The following SLC25A48 variants were observed in gnomAD, a reference collection of about 807,000 sequenced individuals.
SLC25A48 encodes CTC-321K16.1.
A neutral mutation model predicts 32.2 loss-of-function variants in SLC25A48; 29 were observed. That is an observed-to-expected ratio of 0.90 (90% CI 0.67 to 1.23). SLC25A48 has a LOEUF of 1.23. Among genes scored for constraint, SLC25A48 ranks in the 50% most tolerant of loss-of-function variants. The pLI, the probability that SLC25A48 is intolerant of heterozygous loss-of-function variation, is 0.00. For missense variants in SLC25A48, 399 were observed against 422.7 expected (o/e 0.94, Z 0.49); for synonymous variants, 164 against 172.3 (o/e 0.95, Z 0.38).
intron 4 of SLC25A48, among the ~76,000 whole-genome samples, chr5:135,822,701 G>T (rs1467139996): frequency 2.6e-5 from 4 of 152,220 alleles, no homozygotes; most frequent in Non-Finnish European, 5.9e-5. Flanking sequence ...ACAAGTGCCA[G>T]GGCTTAAGAC....
intron 1 of SLC25A48, among the ~76,000 whole-genome samples, chr5:135,603,077 G>T (rs947824438): frequency 6.6e-6 from 1 of 152,132 alleles, no homozygotes; most frequent in African/African-American, 2.4e-5. Flanking sequence ...CCTTTGGTGG[G>T]GTCTCCCCTG....
At chr5:135,692,628 C>T (rs527395585) in intron 3 of SLC25A48, among the ~76,000 whole-genome samples, 24 of 152,212 alleles carry the variant, frequency 1.6e-4, no homozygotes, top group African/African-American at 4.3e-4. Flanking sequence ...GGAGAAGTCA[C>T]GGGAAAGGTA....
At chr5:135,652,331 T>TA (rs1753135551) in intron 3 of SLC25A48, 1 of 454,944 alleles carries the variant, frequency 2.2e-6, no homozygotes, top group Admixed American at 2.4e-5. Flanking sequence ...TGAGAATAGA[T>TA]ATGTATTCTA....
intron 3 of SLC25A48, among the ~76,000 whole-genome samples, chr5:135,658,739 C>A (rs1753315260): frequency 2.0e-5 from 3 of 152,238 alleles, no homozygotes; most frequent in Admixed American, 2.0e-4. Context: ...GATTTCAAAC[C>A]TCAGCTCTTG....
At chr5:135,830,102 G>T (rs937150658), upstream of SLC25A48, among the ~76,000 whole-genome samples, 4 of 152,126 alleles carry the variant, frequency 2.6e-5, no homozygotes, top group Non-Finnish European at 4.4e-5. Flanking sequence ...GTTTGCTCTG[G>T]CACCTCAGAC....
chr5:135,863,586 A>G (rs2126779412), intron 4 of SLC25A48, among the ~76,000 whole-genome samples: 1 of 152,320 alleles, frequency 6.6e-6, no homozygotes, highest in South Asian at 2.1e-4. Context: ...CATACCATGT[A>G]TTGAGCTATA....
intron 1 of SLC25A48, among the ~76,000 whole-genome samples, chr5:135,588,942 A>G (rs1302196285): frequency 3.3e-5 from 5 of 152,172 alleles, no homozygotes; most frequent in African/African-American, 4.8e-5. Context: ...AAACAAACAA[A>G]CAAGCAAAAA....
intron 3 of SLC25A48, among the ~76,000 whole-genome samples, chr5:135,702,260 T>A (rs1754410981): frequency 6.6e-6 from 1 of 152,236 alleles, no homozygotes; most frequent in African/African-American, 2.4e-5. Context: ...TCTTTGCAGG[T>A]GTAACCAAGT....
chr5:135,585,217 C>A (rs1325900232), intron 1 of SLC25A48, among the ~76,000 whole-genome samples: 5 of 152,224 alleles, frequency 3.3e-5, no homozygotes, highest in Admixed American at 6.5e-5. Context: ...CCTCATTCTG[C>A]TCTGCCCCAC....
chr5:135,579,782 G>C (rs1251176344), intron 1 of SLC25A48, among the ~76,000 whole-genome samples: 2 of 152,190 alleles, frequency 1.3e-5, no homozygotes, highest in Non-Finnish European at 2.9e-5. Context: ...CCCTAGTGGA[G>C]AGCGATGACA....
At chr5:135,675,230 A>G (rs536032507) in intron 3 of SLC25A48, among the ~76,000 whole-genome samples, 13 of 152,096 alleles carry the variant, frequency 8.5e-5, no homozygotes, top group South Asian at 2.1e-4. Flanking sequence ...CTCCTTGTAT[A>G]TGCTAGACAT....
intron 3 of SLC25A48, among the ~76,000 whole-genome samples, chr5:135,733,059 G>T (rs895159426): frequency 6.6e-6 from 1 of 152,174 alleles, no homozygotes; most frequent in Admixed American, 6.5e-5. Flanking sequence ...ACAGCATGGT[G>T]GTGCAGAATA....
chr5:135,603,513 C>T (rs936320784), intron 1 of SLC25A48, among the ~76,000 whole-genome samples: 8 of 152,346 alleles, frequency 5.3e-5, no homozygotes, highest in South Asian at 2.1e-4. Context: ...CCAGCAGGCC[C>T]GGCCCTGCCT....
At chr5:135,883,126 A>T in intron 7 of SLC25A48, 2 of 985,478 alleles carry the variant, frequency 2.0e-6, no homozygotes, top group Non-Finnish European at 2.4e-6. Context: ...GAATTTACTG[A>T]AGAGAAAGAC....
At chr5:135,809,272 C>T (rs553481943) in intron 3 of SLC25A48, among the ~76,000 whole-genome samples, 1 of 152,282 alleles carries the variant, frequency 6.6e-6, no homozygotes, top group South Asian at 2.1e-4. Context: ...ACACTCCAGC[C>T]TGGGCAATAG....
intron 1 of SLC25A48, among the ~76,000 whole-genome samples, chr5:135,604,303 G>A (rs1751878753): frequency 6.6e-6 from 1 of 152,224 alleles, no homozygotes. Flanking sequence ...CCAGCCCAGG[G>A]CCAGCCTGGG....
At chr5:135,833,140 C>T (rs4305641), upstream of SLC25A48, among the ~76,000 whole-genome samples, 7,722 of 152,302 alleles carry the variant, frequency 0.051, 436 homozygotes, top group African/African-American at 0.14. Context: ...CTGGGTGATG[C>T]GCCCCATGGG....
chr5:135,784,881 G>A lies in SLC25A48; in HGVS notation c.-520-27642G>A, dbSNP rs1206331912. On this transcript the variant is annotated intron_variant, in intron 3 of 10. Transcript: ENST00000646290. Reference sequence around the variant, plus strand: ...ATTGACTGTAATATCCAGTTAGAAAGAGGATGATATTACAAGCAATATTAC... The same window carrying A: ...ATTGACTGTAATATCCAGTTAGAAAAAGGATGATATTACAAGCAATATTAC... Among the ~76,000 whole-genome samples the A allele has an allele frequency of 6.7e-5, 8 of 119,054 alleles. 3 individuals are homozygous for A. Among genetic ancestry groups the A allele is most frequent in the Non-Finnish European group, 1.7e-4 (8 of 48,260 alleles). 78.1% of individuals were successfully genotyped at this position (119,054 alleles called of 152,430 possible). A position where few individuals can be genotyped will look rare whatever the true frequency, so the allele number is the denominator to read the frequency against.
chr5:135,668,690 C>A (rs1472420813), intron 3 of SLC25A48, among the ~76,000 whole-genome samples: 1 of 152,106 alleles, frequency 6.6e-6, no homozygotes, highest in East Asian at 1.9e-4. Context: ...CCACCTTTGA[C>A]CTATGGACTT....
Sources: gnomAD v4.1 joint callset for allele counts (sites outside exome capture counted in the v4.1 genomes callset) on GRCh38, gnomAD v4.1.1 for gene constraint, MANE v1.5 for transcripts, NCBI Gene and HGNC (gene_info 2026-07-23, HGNC 2026-07-21) for gene names.